The following TSPAN5 variants were observed in gnomAD, a reference collection of about 807,000 sequenced individuals.
TSPAN5 encodes tetraspanin 5, also known as tetraspanin-5.
A neutral mutation model predicts 37.1 loss-of-function variants in TSPAN5; 10 were observed. That is an observed-to-expected ratio of 0.27 (90% confidence interval 0.17 to 0.46). The LOEUF (loss-of-function observed/expected upper bound fraction) is 0.46. Ranked by LOEUF, TSPAN5 falls within the 20% of genes least tolerant of loss-of-function variation. The pLI, the probability that TSPAN5 is intolerant of heterozygous loss-of-function variation, is 1.00. For synonymous variants in TSPAN5, 110 were observed against 118.9 expected (o/e 0.93, Z 0.48); for missense variants, 195 against 326.6 (o/e 0.60, Z 3.11).
intron 5 of TSPAN5, 88 bp from the exon 6 acceptor site, chr4:98,476,548 T>C: frequency 7.9e-7 from 1 of 1,259,136 alleles, no homozygotes; most frequent in Non-Finnish European, 1.2e-6. Flanking sequence ...TGTTACGCAT[T>C]AGTAATAAAA....
At chr4:98,617,273 T>C (rs1476340190) in intron 1 of TSPAN5, among the ~76,000 whole-genome samples, 1 of 152,154 alleles carries the variant, frequency 6.6e-6, no homozygotes, top group African/African-American at 2.4e-5. Flanking sequence ...CTCACATCTA[T>C]GGTATCATCT....
intron 1 of TSPAN5, chr4:98,510,035 G>T (rs879112330): frequency 1.3e-5 from 2 of 152,142 alleles, no homozygotes; most frequent in Admixed American, 1.3e-4. Context: ...ACATGTTCCT[G>T]CCGAAGGCCT....
At chr4:98,495,385 C>T (rs575640726) in intron 2 of TSPAN5, among the ~76,000 whole-genome samples, 2 of 152,132 alleles carry the variant, frequency 1.3e-5, no homozygotes, top group South Asian at 4.2e-4. Flanking sequence ...AAAAATTAGC[C>T]AGGTGTGGTG....
At chr4:98,488,162 A>C (rs953677636) in intron 2 of TSPAN5, among the ~76,000 whole-genome samples, 21 of 152,342 alleles carry the variant, frequency 1.4e-4, no homozygotes, top group African/African-American at 5.0e-4. Flanking sequence ...TGAAGGTGAC[A>C]GACGCCATCG....
At chr4:98,602,708 G>A (rs1454132144) in intron 1 of TSPAN5, among the ~76,000 whole-genome samples, 9 of 152,130 alleles carry the variant, frequency 5.9e-5, no homozygotes, top group African/African-American at 2.2e-4. Flanking sequence ...CGACAGAATT[G>A]CTCATGCAGA....
At chr4:98,533,956 A>AC (rs1754171607) in intron 1 of TSPAN5, among the ~76,000 whole-genome samples, 2 of 145,922 alleles carry the variant, frequency 1.4e-5, no homozygotes, top group African/African-American at 2.5e-5. Flanking sequence ...AAAAAAAAAA[A>AC]AAAAAACCAG....
chr4:98,474,443 G>A (rs1447044840), intron 7 of TSPAN5, among the ~76,000 whole-genome samples: 1 of 151,286 alleles, frequency 6.6e-6, no homozygotes, highest in African/African-American at 2.4e-5. Context: ...AACCTCCCAG[G>A]CTCAAGTGAT....
intron 1 of TSPAN5, among the ~76,000 whole-genome samples, chr4:98,558,690 G>C (rs567690156): frequency 6.6e-6 from 1 of 152,104 alleles, no homozygotes; most frequent in South Asian, 2.1e-4. Flanking sequence ...GCTTTTTCCA[G>C]TTTCTTCTTC....
chr4:98,523,699 A>G (rs966414624), intron 1 of TSPAN5, among the ~76,000 whole-genome samples: 47 of 152,338 alleles, frequency 3.1e-4, no homozygotes, highest in African/African-American at 1.1e-3. Flanking sequence ...TCGGCCTCCC[A>G]AAGTGCTGGG....
At chr4:98,649,209 A>G (rs1431315457) in intron 1 of TSPAN5, among the ~76,000 whole-genome samples, 1 of 152,064 alleles carries the variant, frequency 6.6e-6, no homozygotes, top group Non-Finnish European at 1.5e-5. Flanking sequence ...CCAAAATATC[A>G]AACTAATAAC....
chr4:98,646,916 G>C (rs1335693836), intron 1 of TSPAN5, among the ~76,000 whole-genome samples: 1 of 152,146 alleles, frequency 6.6e-6, no homozygotes, highest in Admixed American at 6.5e-5. Context: ...AGGATTCCGA[G>C]ATAGACGTTA....
At chr4:98,629,103 T>C (rs6832517) in intron 1 of TSPAN5, among the ~76,000 whole-genome samples, 88,488 of 152,076 alleles carry the variant, frequency 0.58, 27,112 homozygotes, top group African/African-American at 0.77. Context: ...AAGGAAAAAA[T>C]GCTTATAAAC....
chr4:98,607,008 A>G (rs1014988124), intron 1 of TSPAN5, among the ~76,000 whole-genome samples: 1 of 150,650 alleles, frequency 6.6e-6, no homozygotes, highest in Non-Finnish European at 1.5e-5. Flanking sequence ...TGGCAGGGGG[A>G]GGTGGTGAGG....
chr4:98,649,197 T>A (rs1189081003), intron 1 of TSPAN5, among the ~76,000 whole-genome samples: 1 of 152,084 alleles, frequency 6.6e-6, no homozygotes, highest in African/African-American at 2.4e-5. Context: ...TTTCTTAGTA[T>A]CCCAAAATAT....
intron 1 of TSPAN5, among the ~76,000 whole-genome samples, chr4:98,627,413 G>GAA (rs754751075): frequency 6.9e-6 from 1 of 145,344 alleles, no homozygotes; most frequent in Non-Finnish European, 1.5e-5. Context: ...GTTTCAAAAG[G>GAA]AAAAAAAAAA....
chr4:98,628,717 T>C (rs187336188), intron 1 of TSPAN5, among the ~76,000 whole-genome samples: 40 of 152,292 alleles, frequency 2.6e-4, no homozygotes, highest in Admixed American at 1.4e-3. Flanking sequence ...TGCCTGGTCC[T>C]TCTAAGCATA....
chr4:98,493,728 A>T (rs1753135963), intron 2 of TSPAN5, among the ~76,000 whole-genome samples: 1 of 152,210 alleles, frequency 6.6e-6, no homozygotes, highest in Non-Finnish European at 1.5e-5. Flanking sequence ...CTATGTCAAT[A>T]TTCTTCTTAG....
chr4:98,514,504 T>C (rs1398295643), intron 1 of TSPAN5, among the ~76,000 whole-genome samples: 3 of 152,188 alleles, frequency 2.0e-5, no homozygotes, highest in African/African-American at 4.8e-5. Flanking sequence ...AGTTTTCCCA[T>C]TGGGTCCCCG....
chr4:98,480,242 C>T (rs571356831), intron 4 of TSPAN5, among the ~76,000 whole-genome samples: 8 of 152,296 alleles, frequency 5.3e-5, no homozygotes, highest in African/African-American at 1.9e-4. Flanking sequence ...CATCTGTATA[C>T]ATCACAAAAA....
Sources: allele counts gnomAD v4.1 joint callset (sites outside exome capture counted in the v4.1 genomes callset), GRCh38; gene constraint gnomAD v4.1.1; transcripts MANE v1.5; gene names NCBI Gene and HGNC (gene_info 2026-07-23, HGNC 2026-07-21).